The following TMEM232 variants were observed in gnomAD, a reference collection of about 807,000 sequenced individuals.
TMEM232 encodes the protein transmembrane protein 232.
A neutral mutation model predicts 78.8 loss-of-function variants in TMEM232; 80 were observed. The observed-to-expected ratio is 1.01, with a 90% confidence interval of 0.85 to 1.22. TMEM232 has a LOEUF of 1.22. Among genes scored for constraint, TMEM232 ranks in the 50% most tolerant of loss-of-function variants. The pLI is 0.00. For missense variants in TMEM232, 881 were observed against 742.2 expected, an observed-to-expected ratio of 1.19 and a Z score of -2.17; for synonymous variants, 297 against 254.3, an observed-to-expected ratio of 1.17 and a Z score of -1.60.
At chr5:110,509,878 C>T (rs536478752) in intron 12 of TMEM232, among the ~76,000 whole-genome samples, 4 of 152,232 alleles carry the variant, frequency 2.6e-5, no homozygotes, top group South Asian at 2.1e-4. Context: ...CATCTCCATA[C>T]ACTTAAAATA....
intron 1 of TMEM232, among the ~76,000 whole-genome samples, chr5:110,737,042 G>A (rs1436597108): frequency 6.7e-6 from 1 of 148,462 alleles, no homozygotes; most frequent in Non-Finnish European, 1.5e-5. Flanking sequence ...GCTCACTTAG[G>A]CTTTTTTAAT....
intron 1 of TMEM232, among the ~76,000 whole-genome samples, chr5:110,675,632 C>T (rs1272905733): frequency 6.6e-6 from 1 of 152,120 alleles, no homozygotes; most frequent in Admixed American, 6.5e-5. Context: ...TTTCTCCACC[C>T]CCAGCATTAC....
At position 110,409,976 on chromosome 5, in the gene TMEM232, T is replaced by G. The variant is rs532131605; in HGVS notation, n.309-12122A>C. Among the ~76,000 whole-genome samples, 8 of 152,336 alleles carry G rather than the reference T, an allele frequency of 5.3e-5. No individual in the cohort carries two copies. The South Asian group carries it at 1.7e-3, about 32-fold the overall frequency. On this transcript the variant is annotated intron_variant and non_coding_transcript_variant, in intron 2 of 8. Coordinates refer to the TMEM232 transcript ENST00000507188. Reference sequence around the variant, plus strand: ...TACCATGCTTCAAGTCCCACATTGCTGATGTCTGTATCCGTTGGCCTGAGA... The same window carrying G: ...TACCATGCTTCAAGTCCCACATTGCGGATGTCTGTATCCGTTGGCCTGAGA...
At chr5:110,637,075 C>A (rs6868297) in intron 5 of TMEM232, among the ~76,000 whole-genome samples, 3 of 150,700 alleles carry the variant, frequency 2.0e-5, no homozygotes. Context: ...AAAATTTTAT[C>A]ACATTTATTT....
chr5:110,718,199 T>C lies in TMEM232; in HGVS notation c.-13+8428A>G, dbSNP rs1797215896. Among the ~76,000 whole-genome samples the C allele has an allele frequency of 2.6e-5, 4 of 152,150 alleles. No individual in the cohort carries two copies. The South Asian group carries it at 8.3e-4, about 31-fold the overall frequency. ...TTTGATTATAGAATGCCGTGCTAGA[T>C]AGACTTCATTGGGGATATTCTGTGT... On this transcript the variant is annotated intron_variant, in intron 1 of 13. Transcript: ENST00000455884.
At chr5:110,467,615 T>TA (rs1171141694) in intron 12 of TMEM232, among the ~76,000 whole-genome samples, 1 of 152,062 alleles carries the variant, frequency 6.6e-6, no homozygotes, top group Non-Finnish European at 1.5e-5. Context: ...AACAAATACA[T>TA]AAAAATTTAC....
Position 110,722,833 on chromosome 5 carries a change from T to C in TMEM232, c.-13+3794A>G, listed in dbSNP as rs543266017. Among the ~76,000 whole-genome samples, 26 of 152,326 alleles carry C rather than the reference T, an allele frequency of 1.7e-4. 1 individual carries two copies. The East Asian group carries it at 2.3e-3, about 14-fold the overall frequency. ...CTTGTTTGTGTATCTGTCTGTATGT[T>C]AGTGGAAGTGAACAAATCCAGGAGC... is the stretch of plus-strand genomic sequence containing the variant. On this transcript the variant is annotated intron_variant, in intron 1 of 13. Transcript: ENST00000455884.
At chr5:110,570,263 G>A (rs1329402283) in intron 10 of TMEM232, among the ~76,000 whole-genome samples, 1 of 151,850 alleles carries the variant, frequency 6.6e-6, no homozygotes, top group African/African-American at 2.4e-5. Context: ...TATAAAACAA[G>A]TTTTTTGAAT....
intron 5 of TMEM232, among the ~76,000 whole-genome samples, chr5:110,634,168 C>A (rs373284459): frequency 1.3e-5 from 2 of 151,948 alleles, no homozygotes; most frequent in African/African-American, 4.8e-5. Flanking sequence ...TATATATGCA[C>A]CCAACAGGGA....
chr5:110,412,665 A>G (rs1398543478), intron 2 of TMEM232, among the ~76,000 whole-genome samples: 3 of 152,114 alleles, frequency 2.0e-5, no homozygotes, highest in Admixed American at 6.6e-5. Flanking sequence ...TTCCCAAGAA[A>G]ATTTTCAGAC....
intron 12 of TMEM232, among the ~76,000 whole-genome samples, chr5:110,478,897 AT>A (rs746104997): frequency 0.012 from 1,392 of 111,792 alleles, 8 homozygotes; most frequent in South Asian, 0.025. Context: ...GGAGAAATTG[AT>A]TTTTTTTTTT....
In TMEM232 at chr5:110,667,319, T is replaced by C. The variant is rs1255245355; in HGVS notation, c.34A>G (p.Asn12Asp). The change falls in exon 2 of 14, where the codon AAT becomes GAT. Residue 12 changes from asparagine to aspartate, a missense_variant. Transcript: ENST00000455884. ...NMPVNKSPMI[N>D]TCGGISSPYH... ...GGGGAAGATATGCCTCCACATGTAT[T>C]AATCATAGGTGATTTGTTAACAGGC... The C allele has an allele frequency of 3.3e-6, 5 of 1,533,792 alleles. No individual in the cohort carries two copies. The highest frequency in any genetic ancestry group is 1.4e-5 in the African/African-American group (1 of 72,306).
intron 2 of TMEM232, among the ~76,000 whole-genome samples, chr5:110,659,002 A>G (rs1789449018): frequency 6.6e-6 from 1 of 152,098 alleles, no homozygotes; most frequent in Non-Finnish European, 1.5e-5. Context: ...AGCTCACCTG[A>G]AATGTAAGGG....
intron 10 of TMEM232, among the ~76,000 whole-genome samples, chr5:110,570,314 A>G (rs1776797911): frequency 6.6e-6 from 1 of 152,024 alleles, no homozygotes; most frequent in African/African-American, 2.4e-5. Flanking sequence ...TTGGACTATA[A>G]TAAAAAAGCC....
chr5:110,496,643 A>G lies in TMEM232; in HGVS notation c.1703+31945T>C, dbSNP rs2149432891. On this transcript the variant is annotated intron_variant, in intron 12 of 13. Coordinates refer to ENST00000455884, the MANE Select transcript of TMEM232 (RefSeq NM_001039763.4). ...GGACACATGCGGTTCTTTCATAACC[A>G]GGATACCTCTTTGTCCGCAAGGCTC... Among the ~76,000 whole-genome samples, 3 of 152,154 alleles carry G rather than the reference A, an allele frequency of 2.0e-5. No homozygotes were observed. The East Asian group carries it at 5.8e-4, about 29-fold the overall frequency.
At chr5:110,413,140 G>A (rs1165348153) in intron 2 of TMEM232, among the ~76,000 whole-genome samples, 1 of 152,072 alleles carries the variant, frequency 6.6e-6, no homozygotes, top group Non-Finnish European at 1.5e-5. Flanking sequence ...CCTCAATGTG[G>A]GTGGGCATAA....
chr5:110,618,514 A>C lies in TMEM232; in HGVS notation c.817T>G (p.Ser273Ala), dbSNP rs1398474392. ...TGAGGACTGTTATTCTGAACACAAG[A>C]CCAAGCAGCAACACAGTGCCAGAGC... is the stretch of plus-strand genomic sequence containing the variant. ...HLLWHCVAAWSCVQNNSPQLN... is the reference protein window; with the variant it reads ...HLLWHCVAAWACVQNNSPQLN... The change falls in exon 8 of 14, where the codon TCT (serine) becomes GCT (alanine). Residue 273 changes from serine (S) to alanine (A), a missense_variant. By Grantham distance (99) the Ser-to-Ala change is moderately conservative. Coordinates refer to ENST00000455884, the MANE Select transcript of TMEM232 (RefSeq NM_001039763.4). 1.9e-6 allele frequency: 3 copies of C among 1,551,590 alleles called. No individual in the cohort carries two copies. The highest frequency in any genetic ancestry group is 8.7e-7 in the Non-Finnish European group (1 of 1,146,866).
chr5:110,586,391 A>G (rs921671938), intron 10 of TMEM232, among the ~76,000 whole-genome samples: 2 of 152,074 alleles, frequency 1.3e-5, no homozygotes, highest in Admixed American at 1.3e-4. Flanking sequence ...TAGTTATTTT[A>G]AAAGTTTTAA....
chr5:110,693,048 A>T (rs890834943), intron 1 of TMEM232, among the ~76,000 whole-genome samples: 12 of 151,874 alleles, frequency 7.9e-5, no homozygotes, highest in Admixed American at 3.3e-4. Context: ...ACTGGGAAGC[A>T]CCCCCCAGTA....
Sources: allele counts gnomAD v4.1 joint callset (sites outside exome capture counted in the v4.1 genomes callset), GRCh38; gene constraint gnomAD v4.1.1; transcripts MANE v1.5; gene names NCBI Gene and HGNC (gene_info 2026-07-23, HGNC 2026-07-21).